FRYL: variants seen among roughly 807,000 people sequenced by gnomAD.
The protein encoded by FRYL is FRY like transcription coactivator.
In FRYL, 150 loss-of-function variants were observed where a neutral mutation model predicts 351.2. The ratio of observed to expected loss-of-function variants is 0.43; its 90% confidence interval spans 0.37 to 0.49. The LOEUF is 0.49. FRYL is among the 20% of genes least tolerant of loss of function. The probability of loss-of-function intolerance (pLI) is 0.00; values close to 1 mark genes in which losing one functional copy is unlikely to be tolerated. For missense variants in FRYL, 3,036 were observed against 3,619.3 expected, an observed-to-expected ratio of 0.84 and a Z score of 4.13; for synonymous variants, 1,153 against 1,257.1, an observed-to-expected ratio of 0.92 and a Z score of 1.75.
chr4:48,643,251 A>T (rs1755685141), intron 3 of FRYL, among the ~76,000 whole-genome samples: 1 of 152,224 alleles, frequency 6.6e-6, no homozygotes, highest in Non-Finnish European at 1.5e-5. Context: ...GAAGCTGAGC[A>T]GAATTGAAAT....
At chr4:48,752,883 C>T (rs1381257362) in intron 1 of FRYL, among the ~76,000 whole-genome samples, 4 of 152,162 alleles carry the variant, frequency 2.6e-5, no homozygotes, top group Admixed American at 2.0e-4. Flanking sequence ...GAAACAGATG[C>T]TGGGAGCTGC....
In FRYL at chr4:48,505,620, A is replaced by G. The variant is rs765320385; in HGVS notation, c.8395-5T>C. ...CCTCTTACAATCATCTAGCCACTAAAAATAAGTAACAGTAACGTTTAATAT... is the reference window on the plus strand; with the variant it reads ...CCTCTTACAATCATCTAGCCACTAAGAATAAGTAACAGTAACGTTTAATAT... On this transcript the variant is annotated splice_polypyrimidine_tract_variant and splice_region_variant and intron_variant, in intron 59 of 63. Coordinates refer to ENST00000358350, the MANE Select transcript of FRYL (RefSeq NM_015030.2). 1.6e-5 allele frequency: 25 copies of G among 1,595,844 alleles called. No homozygotes were observed. Among genetic ancestry groups the G allele is most frequent in the Non-Finnish European group, 2.1e-5 (24 of 1,164,808 alleles).
chr4:48,604,935 C>G (rs1370570418), intron 11 of FRYL, among the ~76,000 whole-genome samples: 1 of 152,004 alleles, frequency 6.6e-6, no homozygotes, highest in Non-Finnish European at 1.5e-5. Context: ...AAAGGATGAT[C>G]AAACAAAGGG....
At chr4:48,628,462 GTT>G (rs1752302270) in intron 4 of FRYL, among the ~76,000 whole-genome samples, 1 of 150,940 alleles carries the variant, frequency 6.6e-6, no homozygotes, top group South Asian at 2.1e-4. Flanking sequence ...GTGTGTGTGT[GTT>G]TAAAGGTGAT....
At chr4:48,612,808 C>G (rs1052506487) in intron 7 of FRYL, among the ~76,000 whole-genome samples, 3 of 150,142 alleles carry the variant, frequency 2.0e-5, no homozygotes, top group African/African-American at 7.4e-5. Context: ...CCAAGATGGT[C>G]TCAATCTCCT....
intron 59 of FRYL, among the ~76,000 whole-genome samples, chr4:48,508,259 A>C (rs922512429): frequency 6.6e-6 from 1 of 152,142 alleles, no homozygotes; most frequent in Non-Finnish European, 1.5e-5. Context: ...TTTCCATATA[A>C]ATTTTAGAAT....
At chr4:48,516,985 G>A (rs908663513) in intron 55 of FRYL, among the ~76,000 whole-genome samples, 2 of 152,110 alleles carry the variant, frequency 1.3e-5, no homozygotes, top group African/African-American at 4.8e-5. Context: ...CAGAAATAAC[G>A]CCATGAAAAC....
rs554161721 is a variant in FRYL, at chr4:48,533,924, C to T, written c.6705+621G>A. ...AATCTCGTTAAAAAACAGAAAGGTA[C>T]GAAGAAAGAAAGAACAATGAGGCCA... is the stretch of plus-strand genomic sequence containing the variant. On this transcript the variant is annotated intron_variant, in intron 49 of 63. Transcript: ENST00000358350. Among the ~76,000 whole-genome samples the T allele has an allele frequency of 5.3e-5, 8 of 152,092 alleles. No homozygotes were observed. In the East Asian group the frequency reaches 1.4e-3, roughly 26 times the overall value.
In FRYL at chr4:48,628,787, G is replaced by C. The variant is rs1752389260; in HGVS notation, c.120+5504C>G. ...ACCACATCCCTATGTACTCCCATGA[G>C]ATCTGCAATTATTATACGTCAATTA... On this transcript the variant is annotated intron_variant, in intron 4 of 63. Coordinates refer to ENST00000358350, the MANE Select transcript of FRYL (RefSeq NM_015030.2). Among the ~76,000 whole-genome samples, 5 of 151,974 alleles carry C rather than the reference G, an allele frequency of 3.3e-5. 1 individual carries two copies. The South Asian group carries it at 1.0e-3, about 32-fold the overall frequency.
chr4:48,671,861 A>C (rs1762764640), intron 3 of FRYL, among the ~76,000 whole-genome samples: 1 of 117,734 alleles, frequency 8.5e-6, no homozygotes, highest in Non-Finnish European at 1.7e-5. Flanking sequence ...TCAAAAACAA[A>C]AAAAAAAAAA....
intron 57 of FRYL, among the ~76,000 whole-genome samples, chr4:48,511,644 A>G (rs1722499725): frequency 6.6e-6 from 1 of 152,230 alleles, no homozygotes; most frequent in South Asian, 2.1e-4. Flanking sequence ...GAAACTTACA[A>G]CATCAATAAG....
rs369482333 is a variant in FRYL, at chr4:48,564,999, T to C, written c.3375A>G (p.Val1125=). The C allele has an allele frequency of 1.2e-6, 2 of 1,610,222 alleles. No individual in the cohort carries two copies. Among genetic ancestry groups the C allele is most frequent in the East Asian group, 2.2e-5 (1 of 44,682 alleles). The change falls in exon 30 of 64, where the codon GTA becomes GTG. Residue 1125 remains valine, a synonymous_variant. Transcript: ENST00000358350. ...VLCCGPVADN[V]GLSSDGYLYK... Reference sequence around the variant, plus strand: ...ACAAATAGCCATCTGATGAAAGTCCTACATTATCTGCAACAGGGCCACAAC... The same window carrying C: ...ACAAATAGCCATCTGATGAAAGTCCCACATTATCTGCAACAGGGCCACAAC...
At chr4:48,515,676 T>C (rs1283484574) in intron 55 of FRYL, among the ~76,000 whole-genome samples, 1 of 152,152 alleles carries the variant, frequency 6.6e-6, no homozygotes, top group Non-Finnish European at 1.5e-5. Flanking sequence ...CCGGCCACTT[T>C]TATAGTTTTT....
chr4:48,646,538 A>C (rs955930044), intron 3 of FRYL, among the ~76,000 whole-genome samples: 1 of 152,230 alleles, frequency 6.6e-6, no homozygotes, highest in Non-Finnish European at 1.5e-5. Flanking sequence ...CCAAAAAGAC[A>C]TGACCCATTC....
intron 29 of FRYL, among the ~76,000 whole-genome samples, chr4:48,565,255 A>C (rs1320430076): frequency 7.1e-6 from 1 of 139,864 alleles, no homozygotes; most frequent in Non-Finnish European, 1.5e-5. Flanking sequence ...GGGAAGATAA[A>C]AAGACCAAGA....
intron 40 of FRYL, among the ~76,000 whole-genome samples, chr4:48,548,378 A>G (rs1034749661): frequency 6.6e-6 from 1 of 152,128 alleles, no homozygotes; most frequent in Non-Finnish European, 1.5e-5. Context: ...TTCCAATCCC[A>G]GAGTTAAGTT....
intron 25 of FRYL, 36 bp downstream of exon 25, chr4:48,575,081 T>C (rs1425421108): frequency 6.2e-7 from 1 of 1,608,816 alleles, no homozygotes; most frequent in South Asian, 1.1e-5. Flanking sequence ...ACATTTATTC[T>C]TTTAGGACAT....
At chr4:48,700,279 C>A (rs1020760499) in intron 2 of FRYL, among the ~76,000 whole-genome samples, 1 of 152,036 alleles carries the variant, frequency 6.6e-6, no homozygotes, top group Non-Finnish European at 1.5e-5. Flanking sequence ...GTAATACTCA[C>A]GTAGAACTTA....
At chr4:48,544,573 TAAG>T (rs1730932052) in intron 43 of FRYL, among the ~76,000 whole-genome samples, 1 of 152,146 alleles carries the variant, frequency 6.6e-6, no homozygotes, top group Admixed American at 6.5e-5. Flanking sequence ...AACACAAAAC[TAAG>T]GAGCCTAGCA....
Sources: gnomAD v4.1 joint callset for allele counts (sites outside exome capture counted in the v4.1 genomes callset) on GRCh38, gnomAD v4.1.1 for gene constraint, MANE v1.5 for transcripts, NCBI Gene and HGNC (gene_info 2026-07-23, HGNC 2026-07-21) for gene names.